BICRAL: variants seen among roughly 807,000 people sequenced by gnomAD.
The protein encoded by BICRAL is BRD4-interacting chromatin-remodeling complex-associated protein-like.
Under a neutral mutation model 91.8 loss-of-function variants are expected in BICRAL, and 8 were observed. The ratio of observed to expected loss-of-function variants is 0.09; its 90% CI spans 0.05 to 0.16. BICRAL has a LOEUF of 0.16. BICRAL is among the 10% of genes least tolerant of loss of function. BICRAL has a pLI of 1.00. For missense variants in BICRAL, 1,038 were observed against 1,310.9 expected (o/e 0.79, Z 3.21); for synonymous variants, 445 against 491.1 (o/e 0.91, Z 1.24).
intron 1 of BICRAL, among the ~76,000 whole-genome samples, chr6:42,754,546 T>C (rs1021525482): frequency 2.0e-5 from 3 of 152,204 alleles, no homozygotes; most frequent in Non-Finnish European, 4.4e-5. Flanking sequence ...CAATAAATAC[T>C]CTTACTATGT....
At chr6:42,748,832 G>T (rs915044728) in intron 1 of BICRAL, among the ~76,000 whole-genome samples, 1 of 152,204 alleles carries the variant, frequency 6.6e-6, no homozygotes, top group Admixed American at 6.5e-5. Context: ...GAAATGGCTG[G>T]CATTGCCCGG....
chr6:42,852,396 T>C (rs745902520), intron 7 of BICRAL, 199 bp downstream of exon 7: 13 of 672,006 alleles, frequency 1.9e-5, no homozygotes, highest in Non-Finnish European at 5.5e-6. Context: ...GCACGGTGGC[T>C]CACGCCTGTA....
intron 2 of BICRAL, among the ~76,000 whole-genome samples, chr6:42,811,069 G>A (rs898559678): frequency 3.3e-5 from 5 of 152,130 alleles, no homozygotes; most frequent in Non-Finnish European, 7.3e-5. Context: ...GGCCAAAATC[G>A]AGTAACCGGG....
intron 10 of BICRAL, among the ~76,000 whole-genome samples, chr6:42,859,170 C>G (rs999423338): frequency 6.6e-6 from 1 of 152,132 alleles, no homozygotes; most frequent in Non-Finnish European, 1.5e-5. Flanking sequence ...GTGGGCAGAT[C>G]ATGAGGTCAG....
intron 1 of BICRAL, among the ~76,000 whole-genome samples, chr6:42,768,732 C>G (rs1016006923): frequency 1.3e-5 from 2 of 152,098 alleles, no homozygotes; most frequent in Non-Finnish European, 2.9e-5. Context: ...CTTCTGAGGC[C>G]GTGCACTTAC....
intron 1 of BICRAL, among the ~76,000 whole-genome samples, chr6:42,758,150 G>T (rs1438845729): frequency 6.6e-6 from 1 of 151,992 alleles, no homozygotes; most frequent in Non-Finnish European, 1.5e-5. Flanking sequence ...TTCAGGTTTG[G>T]CTCCTTCCTC....
intron 5 of BICRAL, among the ~76,000 whole-genome samples, chr6:42,828,252 T>C (rs1764361003): frequency 6.6e-6 from 1 of 151,788 alleles, no homozygotes; most frequent in South Asian, 2.1e-4. Flanking sequence ...ATACAAAAAA[T>C]TAGCTGGGCG....
At chr6:42,856,366 C>CT (rs556976712) in intron 9 of BICRAL, among the ~76,000 whole-genome samples, 693 of 68,168 alleles carry the variant, frequency 0.01, 103 homozygotes, top group African/African-American at 0.028. Context: ...CTTTCTTTTC[C>CT]TTTTTTTTTT....
intron 1 of BICRAL, among the ~76,000 whole-genome samples, chr6:42,808,921 C>G (rs1283817436): frequency 6.6e-6 from 1 of 152,236 alleles, no homozygotes; most frequent in East Asian, 1.9e-4. Flanking sequence ...TGTCCTTGCC[C>G]TGTGTCTCCA....
At chr6:42,748,885 C>A (rs2152017783) in intron 1 of BICRAL, among the ~76,000 whole-genome samples, 1 of 152,318 alleles carries the variant, frequency 6.6e-6, no homozygotes, top group South Asian at 2.1e-4. Flanking sequence ...GCAGTGGATT[C>A]AGCATGCATC....
At position 42,866,770 on chromosome 6, in the gene BICRAL, C is replaced by T. The variant is rs1765718860; in HGVS notation, c.*1324C>T. ...TGCTTTATTTATTTTTATTTCTTGT[C>T]AGGGAGTATTCTCCGTTTTCCTTTC... On this transcript the variant is annotated 3_prime_UTR_variant, in exon 13 of 13. Transcript: ENST00000314073. 2.2e-6 allele frequency: 1 copy of T among 455,940 alleles called. No homozygotes were observed. The highest frequency in any genetic ancestry group is 2.4e-5 in the Admixed American group (1 of 42,454). The allele number at this position is 455,940 out of a possible 1,614,324, so 28.2% of individuals were successfully genotyped here.
intron 6 of BICRAL, among the ~76,000 whole-genome samples, chr6:42,847,439 G>A (rs993019567): frequency 1.3e-5 from 2 of 151,972 alleles, no homozygotes; most frequent in Non-Finnish European, 2.9e-5. Flanking sequence ...ACAATCATGG[G>A]ATTTTTCTTC....
At chr6:42,858,164 C>G (rs1341488656) in intron 10 of BICRAL, among the ~76,000 whole-genome samples, 5 of 151,748 alleles carry the variant, frequency 3.3e-5, no homozygotes, top group African/African-American at 1.2e-4. Flanking sequence ...AAAAGCATTC[C>G]CTAAGATTCC....
At chr6:42,782,146 C>T (rs1461535740) in intron 1 of BICRAL, 45 bp downstream of exon 1, 4 of 149,266 alleles carry the variant, frequency 2.7e-5, no homozygotes, top group Non-Finnish European at 4.5e-5. Flanking sequence ...ATAAAAATTT[C>T]AAGGAGAAAA....
At chr6:42,793,187 A>G (rs1763325585) in intron 1 of BICRAL, among the ~76,000 whole-genome samples, 1 of 105,274 alleles carries the variant, frequency 9.5e-6, no homozygotes, top group Non-Finnish European at 1.7e-5. Context: ...TCTGTTACCC[A>G]GACTGGAGTG....
intron 6 of BICRAL, among the ~76,000 whole-genome samples, chr6:42,837,286 G>C (rs988177793): frequency 2.6e-5 from 4 of 152,038 alleles, no homozygotes; most frequent in Non-Finnish European, 5.9e-5. Context: ...TTTATAGAAT[G>C]TTGTAACAAA....
rs561216791 is a variant in BICRAL, at chr6:42,764,115, G to A, written c.-261+17092G>A. On this transcript the variant is annotated intron_variant, in intron 1 of 14. Transcript: ENST00000614467. ...AAATTAGCCGGGTGTGGTGGCACGC[G>A]CCTGTAGTCCCAGCTACTCGGGAGG... 6.3e-4 allele frequency among the ~76,000 whole-genome samples: 95 copies of A among 151,382 alleles called. 1 individual carries two copies. Among genetic ancestry groups the A allele is most frequent in the Non-Finnish European group, 2.9e-4 (20 of 67,908 alleles).
In BICRAL at chr6:42,851,242, C is replaced by T. The variant is rs182932340; in HGVS notation, c.1840-850C>T. 5.3e-5 allele frequency among the ~76,000 whole-genome samples: 8 copies of T among 152,192 alleles called. No homozygotes were observed. In the East Asian group the frequency reaches 1.5e-3, roughly 29 times the overall value. The stretch of plus-strand genomic sequence containing the variant: ...TTTTACTTAAAATGTATTATAGAGG[C>T]TGGGCATGGTGGTGCATGCATACAA... On this transcript the variant is annotated intron_variant, in intron 6 of 12. Transcript: ENST00000314073.
At chr6:42,822,885 C>A in intron 4 of BICRAL, 41 bp downstream of exon 4, 1 of 1,526,996 alleles carries the variant, frequency 6.5e-7, no homozygotes, top group Non-Finnish European at 9.1e-7. Context: ...TATTTTGTTT[C>A]TGCTTTACAG....
Sources: gnomAD v4.1 joint callset for allele counts (sites outside exome capture counted in the v4.1 genomes callset) on GRCh38, gnomAD v4.1.1 for gene constraint, MANE v1.5 for transcripts, NCBI Gene and HGNC (gene_info 2026-07-23, HGNC 2026-07-21) for gene names.